BFSP1: variants seen among roughly 807,000 people sequenced by gnomAD.
BFSP1 encodes beaded filament structural protein 1.
Under a neutral mutation model 43.9 loss-of-function variants are expected in BFSP1, and 38 were observed. The ratio of observed to expected loss-of-function variants is 0.87; its 90% confidence interval spans 0.67 to 1.14. BFSP1 has a LOEUF of 1.14. Among genes scored for constraint, BFSP1 ranks in the 50% most tolerant of loss-of-function variants. The pLI, the probability that BFSP1 is intolerant of heterozygous loss-of-function variation, is 0.00. For synonymous variants in BFSP1, 352 were observed against 354.8 expected (o/e 0.99, Z 0.09); for missense variants, 850 against 875.1 (o/e 0.97, Z 0.36).
intron 2 of BFSP1, among the ~76,000 whole-genome samples, chr20:17,519,376 C>G (rs2123504512): frequency 6.6e-6 from 1 of 152,324 alleles, no homozygotes; most frequent in East Asian, 1.9e-4. Context: ...CTCAGCTGCC[C>G]TCTTCCCTCA....
chr20:17,525,517 G>A lies in BFSP1; in HGVS notation c.378-609C>T, dbSNP rs2034401953. ...GCGATGGCCTCCTCTGGGCAAATGG[G>A]TGGGGCAGGCTGGACGTGCCAGGGA... On this transcript the variant is annotated intron_variant, in intron 1 of 7. Coordinates refer to ENST00000377873, the MANE Select transcript of BFSP1 (RefSeq NM_001195.5). This position sits in a 1 kb window ranked among gnomAD's most constrained non-coding sequence, Gnocchi z 4.2. Among the ~76,000 whole-genome samples the A allele has an allele frequency of 6.6e-6, 1 of 152,212 alleles. No individual in the cohort carries two copies. Among genetic ancestry groups the A allele is most frequent in the African/African-American group, 2.4e-5 (1 of 41,456 alleles).
chr20:17,497,644 ACATATATC>A (rs2123454474), intron 6 of BFSP1, among the ~76,000 whole-genome samples: 1 of 149,270 alleles, frequency 6.7e-6, no homozygotes, highest in East Asian at 2.0e-4. Flanking sequence ...ATACATATAT[ACATATATC>A]TACTCATATA....
upstream of BFSP1, among the ~76,000 whole-genome samples, chr20:17,559,554 T>G (rs1310696320): frequency 6.6e-6 from 1 of 152,194 alleles, no homozygotes; most frequent in Non-Finnish European, 1.5e-5. Flanking sequence ...AGAATTTGTG[T>G]CATCCAGAGC....
At chr20:17,506,147 GCAGCCCTGACAGCCACTCCTGGC>G in intron 5 of BFSP1, among the ~76,000 whole-genome samples, 1 of 152,290 alleles carries the variant, frequency 6.6e-6, no homozygotes, top group East Asian at 1.9e-4. Flanking sequence ...AGGAGCCTGG[GCAGCCCTGACAGCCACTCCTGGC>G]CAGCAGCCGG....
At chr20:17,521,664 C>T (rs2034321594) in intron 2 of BFSP1, among the ~76,000 whole-genome samples, 1 of 152,230 alleles carries the variant, frequency 6.6e-6, no homozygotes, top group Admixed American at 6.5e-5. Flanking sequence ...TCACCTGGCC[C>T]TGCCCTTGAG....
At chr20:17,535,778 T>C (rs539817495), upstream of BFSP1, among the ~76,000 whole-genome samples, 29 of 152,294 alleles carry the variant, frequency 1.9e-4, no homozygotes, top group African/African-American at 5.1e-4. Context: ...ACCTTTGCAG[T>C]ATAGACATTT....
chr20:17,561,152 G>A (rs1184100044), upstream of BFSP1, among the ~76,000 whole-genome samples: 11 of 152,196 alleles, frequency 7.2e-5, no homozygotes, highest in Non-Finnish European at 1.0e-4. Context: ...ATATTTTGTG[G>A]TTCATTTTTC....
In BFSP1 at chr20:17,497,166, T is replaced by A. The variant is rs183996903; in HGVS notation, c.957-143A>T. On this transcript the variant is annotated intron_variant, in intron 6 of 7. Transcript: ENST00000377873. ...AGATATCATTTTAAACAGACAGCCA[T>A]ACACACATTTACATACTGGATGAGG... is the stretch of plus-strand genomic sequence containing the variant. The A allele has an allele frequency of 1.4e-5, 8 of 568,040 alleles. No homozygotes were observed. The Admixed American group carries it at 1.5e-4, about 11-fold the overall frequency. The allele number at this position is 568,040 out of a possible 1,614,324, so 35.2% of individuals were successfully genotyped here.
At chr20:17,504,898 G>A (rs958276853) in intron 5 of BFSP1, among the ~76,000 whole-genome samples, 5 of 149,114 alleles carry the variant, frequency 3.4e-5, no homozygotes, top group Middle Eastern at 3.2e-3. Flanking sequence ...ACACCTTTAG[G>A]TGTAAGGTTT....
At chr20:17,505,386 G>A (rs2033910015) in intron 5 of BFSP1, among the ~76,000 whole-genome samples, 1 of 152,214 alleles carries the variant, frequency 6.6e-6, no homozygotes, top group African/African-American at 2.4e-5. Flanking sequence ...GTTCCCAGGT[G>A]GTGCCCCCGC....
At chr20:17,501,166 G>A (rs1462346931) in intron 5 of BFSP1, among the ~76,000 whole-genome samples, 3 of 152,196 alleles carry the variant, frequency 2.0e-5, no homozygotes, top group Non-Finnish European at 2.9e-5. Context: ...GTACCTACTG[G>A]ACACCCTGGA....
intron 6 of BFSP1, among the ~76,000 whole-genome samples, chr20:17,497,765 C>G (rs1461747008): frequency 6.6e-6 from 1 of 151,822 alleles, no homozygotes; most frequent in African/African-American, 2.4e-5. Flanking sequence ...ACTGGTGAAT[C>G]TGGAGTATTC....
At chr20:17,541,973 G>C (rs1327541046) in intron 1 of BFSP1, among the ~76,000 whole-genome samples, 1 of 152,050 alleles carries the variant, frequency 6.6e-6, no homozygotes, top group Non-Finnish European at 1.5e-5. Context: ...TGAGTTTTGG[G>C]GTGACACACA....
chr20:17,514,645 C>T, intron 3 of BFSP1, 76 bp downstream of exon 3: 2 of 1,433,620 alleles, frequency 1.4e-6, no homozygotes. Context: ...CTGTTTTCAG[C>T]CACAGTACCC....
At chr20:17,511,164 T>C (rs2034069223) in intron 4 of BFSP1, among the ~76,000 whole-genome samples, 1 of 152,138 alleles carries the variant, frequency 6.6e-6, no homozygotes, top group South Asian at 2.1e-4. Context: ...CCATAAACCA[T>C]ATTAGGAAAA....
chr20:17,533,641 TAAAGTC>T (rs1258932441), upstream of BFSP1, among the ~76,000 whole-genome samples: 1 of 151,994 alleles, frequency 6.6e-6, no homozygotes, highest in Non-Finnish European at 1.5e-5. Context: ...TGGCCACAAA[TAAAGTC>T]AAGAGGAAGC....
chr20:17,531,442 C>G (rs1363786453), upstream of BFSP1: 3 of 1,201,398 alleles, frequency 2.5e-6, no homozygotes, highest in East Asian at 7.0e-5. Context: ...GCTGCTGGGA[C>G]GTTCCAGAGC....
At chr20:17,566,535 G>C (rs1231233618) in intron 1 of BFSP1, among the ~76,000 whole-genome samples, 1 of 152,208 alleles carries the variant, frequency 6.6e-6, no homozygotes, top group African/African-American at 2.4e-5. Flanking sequence ...AGTTCTGGAG[G>C]CTGTGAAGTC....
intron 2 of BFSP1, among the ~76,000 whole-genome samples, chr20:17,519,074 TGCC>T (rs201331148): frequency 0.026 from 3,965 of 152,248 alleles, 156 homozygotes; most frequent in African/African-American, 0.078. Flanking sequence ...ATCTTCCCTC[TGCC>T]CCTCTTAAGA....
Sources: gnomAD v4.1 joint callset for allele counts (sites outside exome capture counted in the v4.1 genomes callset) on GRCh38, gnomAD v4.1.1 for gene constraint, Gnocchi (gnomAD v3.1) non-coding constraint, MANE v1.5 for transcripts, NCBI Gene and HGNC (gene_info 2026-07-23, HGNC 2026-07-21) for gene names.